DRC11: variants seen among roughly 807,000 people sequenced by gnomAD.
The protein encoded by DRC11 is IQ and AAA domain-containing protein 1.
chr2:236,507,458 TCGCAGGCACGGAGCG>T, the DRC11 span: 1 of 615,996 alleles, frequency 1.6e-6, no homozygotes, highest in African/African-American at 1.8e-5. Flanking sequence ...CGGGTTTGCT[TCGCAGGCACGGAGCG>T]CGCAGGCGCA....
chr2:236,459,588 C>T, the DRC11 span, among the ~76,000 whole-genome samples: 98 of 138,524 alleles, frequency 7.1e-4, 1 homozygote, highest in African/African-American at 2.4e-3. Flanking sequence ...TACGTATATA[C>T]GTATACGTAT....
chr2:236,457,589 T>C, the DRC11 span, among the ~76,000 whole-genome samples: 1 of 152,202 alleles, frequency 6.6e-6, no homozygotes, highest in Non-Finnish European at 1.5e-5. The surrounding 1 kb of genome is among the most constrained non-coding windows in gnomAD (Gnocchi z 4.7). Context: ...AAAAGGGGTT[T>C]TGTAGGCGTG....
the DRC11 span, among the ~76,000 whole-genome samples, chr2:236,455,958 C>T: frequency 6.6e-6 from 1 of 152,028 alleles, no homozygotes; most frequent in Admixed American, 6.6e-5. This position sits in a 1 kb window ranked among gnomAD's most constrained non-coding sequence, Gnocchi z 5.7. Context: ...CACTGGCAGC[C>T]CTTGCTCTCC....
chr2:236,412,218 G>A, the DRC11 span, among the ~76,000 whole-genome samples: 2 of 152,020 alleles, frequency 1.3e-5, no homozygotes, highest in Admixed American at 6.6e-5. Flanking sequence ...CATGGCAGAG[G>A]GACTCAGGAG....
At chr2:236,496,699 C>T in the DRC11 span, among the ~76,000 whole-genome samples, 2 of 152,332 alleles carry the variant, frequency 1.3e-5, no homozygotes, top group East Asian at 3.9e-4. The surrounding 1 kb of genome is among the most constrained non-coding windows in gnomAD (Gnocchi z 6.3). Context: ...CCATGTAAGC[C>T]ATACATTCCC....
chr2:236,345,620 C>T, the DRC11 span, among the ~76,000 whole-genome samples: 214 of 152,232 alleles, frequency 1.4e-3, 1 homozygote, highest in Non-Finnish European at 2.5e-3. Context: ...AAGGTGGCTC[C>T]GAGCCCCTCT....
chr2:236,337,383 T>C, the DRC11 span, among the ~76,000 whole-genome samples: 1 of 151,976 alleles, frequency 6.6e-6, no homozygotes, highest in Non-Finnish European at 1.5e-5. The surrounding 1 kb of genome is among the most constrained non-coding windows in gnomAD (Gnocchi z 4.9). Flanking sequence ...ACCACCTTCT[T>C]CTCTTCCTCT....
chr2:236,477,181 T>TA, the DRC11 span, among the ~76,000 whole-genome samples: 108 of 152,144 alleles, frequency 7.1e-4, no homozygotes, highest in African/African-American at 2.5e-3. Flanking sequence ...ACACACACAG[T>TA]AAAAAAATCT....
At chr2:236,392,198 T>C in the DRC11 span, 32 of 1,472,148 alleles carry the variant, frequency 2.2e-5, 1 homozygote, top group South Asian at 3.0e-4. The surrounding 1 kb of genome is among the most constrained non-coding windows in gnomAD (Gnocchi z 5.1). Context: ...AGCACAATGG[T>C]TGAAGTAAAT....
the DRC11 span, among the ~76,000 whole-genome samples, chr2:236,458,068 C>G: frequency 1.3e-5 from 2 of 152,084 alleles, no homozygotes; most frequent in Non-Finnish European, 2.9e-5. Flanking sequence ...TCTAACATGT[C>G]CAACCACCAA....
At chr2:236,431,541 G>A in the DRC11 span, among the ~76,000 whole-genome samples, 4,339 of 152,184 alleles carry the variant, frequency 0.029, 202 homozygotes, top group African/African-American at 0.099. This position sits in a 1 kb window ranked among gnomAD's most constrained non-coding sequence, Gnocchi z 4.2. Flanking sequence ...CATGGGAACT[G>A]GTATTCAAGT....
the DRC11 span, among the ~76,000 whole-genome samples, chr2:236,446,772 T>C: frequency 1.3e-5 from 2 of 152,212 alleles, no homozygotes; most frequent in East Asian, 3.9e-4. This position sits in a 1 kb window ranked among gnomAD's most constrained non-coding sequence, Gnocchi z 6.2. Flanking sequence ...GGACAGGCAC[T>C]GCCAGCCACA....
the DRC11 span, among the ~76,000 whole-genome samples, chr2:236,387,371 G>A: frequency 7.9e-5 from 12 of 152,188 alleles, no homozygotes; most frequent in South Asian, 2.5e-3. Flanking sequence ...ATATATTTAG[G>A]ATAGTTAGCT....
At chr2:236,431,462 C>G in the DRC11 span, among the ~76,000 whole-genome samples, 1 of 152,170 alleles carries the variant, frequency 6.6e-6, no homozygotes, top group Admixed American at 6.5e-5. This position sits in a 1 kb window ranked among gnomAD's most constrained non-coding sequence, Gnocchi z 4.2. Flanking sequence ...GTCATGAGAA[C>G]AGCCTGAGGG....
the DRC11 span, among the ~76,000 whole-genome samples, chr2:236,327,121 A>G: frequency 6.6e-6 from 1 of 152,066 alleles, no homozygotes; most frequent in South Asian, 2.1e-4. Context: ...GATCCTCTAA[A>G]CTCAAATACA....
chr2:236,383,273 G>A, the DRC11 span, among the ~76,000 whole-genome samples: 1 of 151,946 alleles, frequency 6.6e-6, no homozygotes, highest in African/African-American at 2.4e-5. Flanking sequence ...GATCTTTTTC[G>A]TTTCTTTGAC....
the DRC11 span, among the ~76,000 whole-genome samples, chr2:236,382,199 G>T: frequency 1.3e-5 from 2 of 152,244 alleles, no homozygotes; most frequent in Non-Finnish European, 2.9e-5. Flanking sequence ...TTATTCAAAA[G>T]TGTCTCTTTC....
At chr2:236,371,669 T>C in the DRC11 span, among the ~76,000 whole-genome samples, 2 of 152,182 alleles carry the variant, frequency 1.3e-5, no homozygotes, top group Admixed American at 6.5e-5. The surrounding 1 kb of genome is among the most constrained non-coding windows in gnomAD (Gnocchi z 5.1). Flanking sequence ...TGCCAAGGTG[T>C]CTCACGTCAT....
the DRC11 span, among the ~76,000 whole-genome samples, chr2:236,370,023 G>A: frequency 2.0e-5 from 3 of 152,160 alleles, no homozygotes; most frequent in Non-Finnish European, 4.4e-5. This position sits in a 1 kb window ranked among gnomAD's most constrained non-coding sequence, Gnocchi z 5.5. Context: ...ATCTCAGAAC[G>A]CGACCTTATT....
Sources: gnomAD v4.1 joint callset for allele counts (sites outside exome capture counted in the v4.1 genomes callset) on GRCh38, gnomAD v4.1.1 for gene constraint, Gnocchi (gnomAD v3.1) non-coding constraint, MANE v1.5 for transcripts, NCBI Gene and HGNC (gene_info 2026-07-23, HGNC 2026-07-21) for gene names.